TLN2: variants seen among roughly 807,000 people sequenced by gnomAD.
TLN2 encodes talin 2, also known as talin-2.
Under a neutral mutation model 294.7 loss-of-function variants are expected in TLN2, and 118 were observed. That is an observed-to-expected ratio of 0.40 (90% CI 0.34 to 0.47). TLN2 has a LOEUF of 0.47. Ranked by LOEUF, TLN2 falls within the 20% of genes least tolerant of loss-of-function variation. The probability of loss-of-function intolerance (pLI) is 0.84; values close to 1 mark genes in which losing one functional copy is unlikely to be tolerated. For missense variants in TLN2, 3,083 were observed against 3,282.2 expected (o/e 0.94, Z 1.48); for synonymous variants, 1,431 against 1,304.5 (o/e 1.10, Z -2.09).
Position 62,711,907 on chromosome 15 carries a change from C to A in TLN2, c.2468-4C>A. ...CAGACCTCATCCTCTATTCTGTCTT[C>A]TAGGTGAAATGGTGCGCCAGGCGCG... On this transcript the variant is annotated splice_polypyrimidine_tract_variant and splice_region_variant and intron_variant, in intron 21 of 58. Transcript: ENST00000636159. 1.2e-6 allele frequency: 2 copies of A among 1,605,128 alleles called. No individual in the cohort carries two copies. Among genetic ancestry groups the A allele is most frequent in the Non-Finnish European group, 1.7e-6 (2 of 1,172,908 alleles).
In TLN2 at chr15:62,493,260, G is replaced by A. The variant is rs143264003; in HGVS notation, c.-237-96427G>A. On this transcript the variant is annotated intron_variant, in intron 1 of 58. Coordinates refer to ENST00000636159, the MANE Select transcript of TLN2 (RefSeq NM_015059.3). Reference sequence around the variant, plus strand: ...GAGCCATGCTCCAGGTGCTTGTTGCGGGAACTGAGTTCAAATCTTGCCTCT... The same window carrying A: ...GAGCCATGCTCCAGGTGCTTGTTGCAGGAACTGAGTTCAAATCTTGCCTCT... 1.1e-4 allele frequency among the ~76,000 whole-genome samples: 16 copies of A among 152,224 alleles called. No homozygotes were observed. The East Asian group carries it at 3.1e-3, about 29-fold the overall frequency.
At chr15:62,634,024 G>C (rs2050156116) in intron 3 of TLN2, among the ~76,000 whole-genome samples, 1 of 152,158 alleles carries the variant, frequency 6.6e-6, no homozygotes, top group Non-Finnish European at 1.5e-5. Flanking sequence ...GGTCAATTCG[G>C]ATTATGACCT....
intron 40 of TLN2, among the ~76,000 whole-genome samples, chr15:62,765,260 G>A (rs2062926241): frequency 1.3e-5 from 2 of 151,720 alleles, no homozygotes; most frequent in African/African-American, 4.8e-5. Flanking sequence ...TAAAACCCTT[G>A]GCCGTCTTGG....
In TLN2 at chr15:62,647,379, A is replaced by C. The variant is rs147271420; in HGVS notation, c.69A>C (p.Pro23=). 8 of 1,614,116 alleles carry C rather than the reference A, an allele frequency of 5.0e-6. No individual in the cohort carries two copies. In the African/African-American group the frequency reaches 1.1e-4, roughly 22 times the overall value. The part of the protein sequence containing the change: ...CNVVKTMQFE[P]STAVYDACRV... ...TGGTGAAGACCATGCAGTTTGAACC[A>C]TCTACAGCTGTGTACGATGCGTGTC... Residue 23 remains proline, a synonymous_variant, in exon 4 of 59, where the codon CCA becomes CCC. Coordinates refer to ENST00000636159, the MANE Select transcript of TLN2 (RefSeq NM_015059.3).
At position 62,430,126 on chromosome 15, in the gene TLN2, TG is replaced by T. The variant is rs2034937559; in HGVS notation, c.-238+39443del. On this transcript the variant is annotated intron_variant, in intron 1 of 58. Coordinates refer to ENST00000636159, the MANE Select transcript of TLN2 (RefSeq NM_015059.3). ...TAAAAAGGAAAAAATTAGGTCTTTG[TG>T]GCTGTGTTTACATATTCTGAACACT... Among the ~76,000 whole-genome samples, 3 of 152,350 alleles carry T rather than the reference TG, an allele frequency of 2.0e-5. No homozygotes were observed. In the South Asian group the frequency reaches 6.2e-4, roughly 32 times the overall value.
intron 45 of TLN2, among the ~76,000 whole-genome samples, chr15:62,789,562 G>A (rs554394387): frequency 1.3e-5 from 2 of 152,304 alleles, no homozygotes; most frequent in South Asian, 4.2e-4. Flanking sequence ...GTGTTGTTGA[G>A]GATGTGTCCC....
At chr15:62,746,992 A>C (rs1268640863) in intron 32 of TLN2, among the ~76,000 whole-genome samples, 1 of 152,208 alleles carries the variant, frequency 6.6e-6, no homozygotes, top group Admixed American at 6.5e-5. Context: ...AACATTGACC[A>C]TGTAGATCAG....
chr15:62,702,571 G>T (rs1255587556), intron 18 of TLN2, among the ~76,000 whole-genome samples, 195 bp from the exon 19 acceptor site: 1 of 152,162 alleles, frequency 6.6e-6, no homozygotes, highest in African/African-American at 2.4e-5. Context: ...CAACTATATT[G>T]CTGGTTTGTG....
intron 32 of TLN2, among the ~76,000 whole-genome samples, chr15:62,744,728 G>A (rs1322488405): frequency 1.3e-5 from 2 of 152,046 alleles, no homozygotes; most frequent in Non-Finnish European, 2.9e-5. Flanking sequence ...TGTATTTTTA[G>A]TAGAGACGGG....
At chr15:62,576,105 A>G (rs1255521114) in intron 1 of TLN2, among the ~76,000 whole-genome samples, 1 of 152,116 alleles carries the variant, frequency 6.6e-6, no homozygotes, top group East Asian at 1.9e-4. Context: ...GTCTTACTAG[A>G]ACATGTAAAT....
intron 9 of TLN2, among the ~76,000 whole-genome samples, chr15:62,664,952 G>A (rs1399570898): frequency 4.7e-5 from 7 of 149,892 alleles, no homozygotes; most frequent in African/African-American, 2.5e-5. Flanking sequence ...CAGAAGAGAA[G>A]TAGCAGTCAT....
At chr15:62,515,373 T>G (rs1233345743) in intron 1 of TLN2, among the ~76,000 whole-genome samples, 1 of 152,238 alleles carries the variant, frequency 6.6e-6, no homozygotes, top group East Asian at 1.9e-4. Context: ...TTACTGTCAC[T>G]GGAAATTTGC....
chr15:62,752,349 C>G lies in TLN2; in HGVS notation c.4254C>G (p.Thr1418=). ...SMAGISQNAK[T]GDLPAFGECV... is the part of the protein sequence containing the mutation. ...CAGGGATTTCACAGAATGCCAAGAC[C>G]GGAGACCTCCCTGCCTTTGGGGAAT... Residue 1418 remains threonine, a synonymous_variant, in exon 35 of 59, where the codon ACC becomes ACG. Transcript: ENST00000636159. The G allele has an allele frequency of 1.2e-6, 2 of 1,614,034 alleles. No individual in the cohort carries two copies. The highest frequency in any genetic ancestry group is 1.7e-6 in the Non-Finnish European group (2 of 1,180,000).
At chr15:62,448,130 T>A (rs1230038247) in intron 1 of TLN2, among the ~76,000 whole-genome samples, 1 of 152,224 alleles carries the variant, frequency 6.6e-6, no homozygotes, top group Non-Finnish European at 1.5e-5. Context: ...TGGCTCTGAC[T>A]GGGCCCAGGG....
Position 62,443,399 on chromosome 15 carries a change from T to C in TLN2, c.-238+52714T>C, listed in dbSNP as rs566054929. 2.0e-5 allele frequency among the ~76,000 whole-genome samples: 3 copies of C among 152,330 alleles called. No homozygotes were observed. The East Asian group carries it at 5.8e-4, about 29-fold the overall frequency. ...AATTTCTGTTGGACACTGACATTAA[T>C]TGGCAAAAGTTCTGCATCTTTGTTA... On this transcript the variant is annotated intron_variant, in intron 1 of 58. Transcript: ENST00000636159.
chr15:62,808,919 C>G (rs1032751196), intron 51 of TLN2, among the ~76,000 whole-genome samples: 3 of 152,360 alleles, frequency 2.0e-5, no homozygotes, highest in Admixed American at 2.0e-4. Context: ...AAGGTATTCC[C>G]ATCAGCACTC....
intron 1 of TLN2, among the ~76,000 whole-genome samples, chr15:62,497,754 T>C (rs1339072998): frequency 1.3e-5 from 2 of 152,182 alleles, no homozygotes; most frequent in East Asian, 3.9e-4. Flanking sequence ...TTTGAGAAGA[T>C]ACATTTATAG....
At chr15:62,702,513 T>G (rs1005833135) in intron 18 of TLN2, among the ~76,000 whole-genome samples, 1 of 152,240 alleles carries the variant, frequency 6.6e-6, no homozygotes, top group Non-Finnish European at 1.5e-5. Context: ...ATGCATCACC[T>G]TCTTACCAAA....
At chr15:62,804,624 C>G (rs1216232734) in intron 50 of TLN2, among the ~76,000 whole-genome samples, 1 of 152,110 alleles carries the variant, frequency 6.6e-6, no homozygotes, top group Admixed American at 6.5e-5. Context: ...CCATGAGGGC[C>G]TCATTAGTGT....
Sources: gnomAD v4.1 joint callset for allele counts (sites outside exome capture counted in the v4.1 genomes callset) on GRCh38, gnomAD v4.1.1 for gene constraint, MANE v1.5 for transcripts, NCBI Gene and HGNC (gene_info 2026-07-23, HGNC 2026-07-21) for gene names.